Variants in KDM5B observed in about 807,000 individuals in gnomAD.
The protein encoded by KDM5B is lysine-specific demethylase 5B.
Under a neutral mutation model 193.4 loss-of-function variants are expected in KDM5B, and 144 were observed. The observed-to-expected ratio is 0.74, with a 90% CI of 0.65 to 0.86. The LOEUF (loss-of-function observed/expected upper bound fraction) is 0.86. KDM5B is among the 40% of genes least tolerant of loss of function. The pLI, the probability that KDM5B is intolerant of heterozygous loss-of-function variation, is 0.00. For missense variants in KDM5B, 1,833 were observed against 1,886.9 expected (o/e 0.97, Z 0.53); for synonymous variants, 668 against 682.6 (o/e 0.98, Z 0.33).
intron 4 of KDM5B, among the ~76,000 whole-genome samples, chr1:202,771,928 A>G (rs1022991462): frequency 2.0e-5 from 3 of 152,160 alleles, no homozygotes; most frequent in Admixed American, 6.5e-5. Flanking sequence ...CTAAACATTC[A>G]TATAATGTAT....
intron 5 of KDM5B, among the ~76,000 whole-genome samples, chr1:202,765,650 C>T (rs1164921753): frequency 1.3e-5 from 2 of 152,214 alleles, no homozygotes; most frequent in Non-Finnish European, 2.9e-5. Flanking sequence ...GGGCAGTCTC[C>T]TTCATTCAGA....
chr1:202,729,046 C>G lies in KDM5B; in HGVS notation c.4625G>C (p.Ser1542Thr), dbSNP rs61749323. The change falls in exon 27 of 27, where the codon AGC becomes ACC. Residue 1542 changes from serine to threonine, a missense_variant. By Grantham distance (58) the Ser-to-Thr change is moderately conservative. Around this residue, in one of 3 missense-constraint regions of KDM5B, gnomAD observed 1,379 missense variants for 1,349.6 expected, o/e 1.02. Coordinates refer to ENST00000367265, the MANE Select transcript of KDM5B (RefSeq NM_006618.5). The stretch of plus-strand genomic sequence containing the variant: ...TCTGTTTTTGTGTTTTTACTTTCGG[C>G]TTGGTGCGTCCTTCACAGTACAGCG... ...CVRCTVKDAP[S>T]RK is the part of the protein sequence containing the mutation. 2.3e-4 allele frequency: 368 copies of G among 1,613,942 alleles called. No individual in the cohort carries two copies. The highest frequency in any genetic ancestry group is 2.9e-4 in the Non-Finnish European group (342 of 1,179,984).
rs112284833 is a variant in KDM5B, at chr1:202,741,605, C to G, written c.2707G>C (p.Glu903Gln). ...LLDVSFEFDV[E>Q]LPQLAEMRIR... ...CGCATCTCAGCAAGCTGTGGAAGTTCAACATCAAATTCAAAGCTGACATCT... is the reference window on the plus strand; with the variant it reads ...CGCATCTCAGCAAGCTGTGGAAGTTGAACATCAAATTCAAAGCTGACATCT... Residue 903 changes from glutamate to glutamine, a missense_variant, in exon 19 of 27, where the codon GAA (glutamate) becomes CAA (glutamine). Physicochemically the swap from Glu to Gln is conservative, Grantham distance 29. Around this residue, in one of 3 missense-constraint regions of KDM5B, gnomAD observed 1,379 missense variants for 1,349.6 expected, o/e 1.02. Coordinates refer to ENST00000367265, the MANE Select transcript of KDM5B (RefSeq NM_006618.5). The G allele has an allele frequency of 0.029, 46,271 of 1,614,164 alleles. 865 individuals are homozygous for G. Among genetic ancestry groups the G allele is most frequent in the Non-Finnish European group, 0.033 (38,640 of 1,180,026 alleles).
At position 202,736,383 on chromosome 1, in the gene KDM5B, G is replaced by A. The variant is rs746793440; in HGVS notation, c.3094C>T (p.Arg1032Cys). 2.0e-5 allele frequency: 32 copies of A among 1,564,410 alleles called. No individual in the cohort carries two copies. Among genetic ancestry groups the A allele is most frequent in the South Asian group, 1.9e-4 (16 of 84,982 alleles). Residue 1032 changes from arginine to cysteine, a missense_variant, in exon 21 of 27, where the codon CGT becomes TGT. Arg to Cys is a radical substitution (Grantham distance 180). This residue lies in a region of KDM5B where 1,379 missense variants were observed against 1,349.6 expected (regional missense o/e 1.02). Coordinates refer to ENST00000367265, the MANE Select transcript of KDM5B (RefSeq NM_006618.5). The part of the protein sequence containing the change: ...QDVEGLQAGG[R>C]VPVLDTLIEL... Reference sequence around the variant, plus strand: ...ATGAGTGTGTCTAACACTGGCACACGTCCTCCAGCCTAATAAGTCAAGAAA... The same window carrying A: ...ATGAGTGTGTCTAACACTGGCACACATCCTCCAGCCTAATAAGTCAAGAAA...
Position 202,777,058 on chromosome 1 carries a change from GTT to G in KDM5B, c.239_240del (p.Lys80ThrfsTer12), listed in dbSNP as rs758612055. 6.2e-7 allele frequency: 1 copy of G among 1,613,574 alleles called. No homozygotes were observed. Among genetic ancestry groups the G allele is most frequent in the Admixed American group, 1.7e-5 (1 of 60,016 alleles). On this transcript the variant is annotated frameshift_variant, in exon 2 of 27. Transcript: ENST00000367265. LOFTEE classifies it high-confidence loss of function. ...WQPPFACDVD[K>X]LHFTPRIQRL... ...CTCTGGATACGTGGCGTAAAATGAA[GTT>G]TATCAACATCACATGCAAATGGTGG...
At chr1:202,803,584 G>A (rs1190100773) in intron 1 of KDM5B, among the ~76,000 whole-genome samples, 1 of 151,488 alleles carries the variant, frequency 6.6e-6, no homozygotes, top group Non-Finnish European at 1.5e-5. Context: ...AGCACTTTGG[G>A]AGGCCGAGGT....
At chr1:202,750,466 G>T (rs1655744968) in intron 13 of KDM5B, among the ~76,000 whole-genome samples, 193 bp downstream of exon 13, 1 of 151,958 alleles carries the variant, frequency 6.6e-6, no homozygotes. Context: ...GTAGAGATGG[G>T]GCTTCACCAT....
chr1:202,741,420 C>A lies in KDM5B; in HGVS notation c.2892G>T (p.Leu964=), dbSNP rs1182659376. 1 of 1,599,090 alleles carries A rather than the reference C, an allele frequency of 6.3e-7. No individual in the cohort carries two copies. The highest frequency in any genetic ancestry group is 2.2e-5 in the East Asian group (1 of 44,680). The part of the protein sequence containing the change: ...VEKAMARLQE[L]LTVSEHWDDK... Reference sequence around the variant, plus strand: ...CGTCCCAGTGCTCTGACACTGTGAGCAGTTCCTGCAGCCGGGCCATAGCTT... The same window carrying A: ...CGTCCCAGTGCTCTGACACTGTGAGAAGTTCCTGCAGCCGGGCCATAGCTT... The change falls in exon 19 of 27, where the codon CTG becomes CTT. Residue 964 remains leucine, a synonymous_variant. Transcript: ENST00000367265.
intron 23 of KDM5B, 121 bp from the exon 24 acceptor site, chr1:202,732,060 A>T: frequency 1.5e-6 from 1 of 647,214 alleles, no homozygotes; most frequent in South Asian, 1.8e-5. Flanking sequence ...AAAAAAAACA[A>T]CTTGATTTTC....
chr1:202,777,064 C>A lies in KDM5B; in HGVS notation c.235G>T (p.Asp79Tyr), dbSNP rs766122946. 1 of 1,613,618 alleles carries A rather than the reference C, an allele frequency of 6.2e-7. No individual in the cohort carries two copies. Among genetic ancestry groups the A allele is most frequent in the Admixed American group, 1.7e-5 (1 of 60,016 alleles). Residue 79 changes from aspartate (D) to tyrosine (Y), a missense_variant, in exon 2 of 27, where the codon GAT becomes TAT. Around this residue, in one of 3 missense-constraint regions of KDM5B, gnomAD observed 355 missense variants for 374.9 expected, o/e 0.95. Transcript: ENST00000367265. Reference sequence around the variant, plus strand: ...ATACGTGGCGTAAAATGAAGTTTATCAACATCACATGCAAATGGTGGCTGC... The same window carrying A: ...ATACGTGGCGTAAAATGAAGTTTATAAACATCACATGCAAATGGTGGCTGC... ...DWQPPFACDV[D>Y]KLHFTPRIQR...
intron 7 of KDM5B, 131 bp from the exon 8 acceptor site, chr1:202,760,704 T>A (rs1042404292): frequency 7.5e-6 from 4 of 530,822 alleles, no homozygotes; most frequent in Non-Finnish European, 1.3e-5. Flanking sequence ...TCAACCTCTA[T>A]AAGGGATATT....
chr1:202,740,739 C>T lies in KDM5B; in HGVS notation c.3019G>A (p.Gly1007Ser). The change falls in exon 20 of 27, where the codon GGT becomes AGT. Residue 1007 changes from glycine to serine, a missense_variant. This residue lies in a region of KDM5B where 1,379 missense variants were observed against 1,349.6 expected (regional missense o/e 1.02). Transcript: ENST00000367265. ...IEEIPAYLPNGAALKDSVQRA... is the reference protein window; with the variant it reads ...IEEIPAYLPNSAALKDSVQRA... The stretch of plus-strand genomic sequence containing the variant: ...TGCACTGAGTCTTTCAGAGCCGCAC[C>T]ATTGGGCAGATATGCAGGGATCTCT... The T allele has an allele frequency of 6.2e-7, 1 of 1,612,996 alleles. No homozygotes were observed. Among genetic ancestry groups the T allele is most frequent in the Non-Finnish European group, 8.5e-7 (1 of 1,179,978 alleles).
chr1:202,729,013 G>T lies in KDM5B; in HGVS notation c.*23C>A, dbSNP rs746449563. ...TTGGAGTCCTGAATTACATTAAGTA[G>T]GGGGGTATCTGTTTTTGTGTTTTTA... On this transcript the variant is annotated 3_prime_UTR_variant, in exon 27 of 27. Transcript: ENST00000367265. The T allele has an allele frequency of 2.5e-6, 4 of 1,613,578 alleles. No individual in the cohort carries two copies. The highest frequency in any genetic ancestry group is 1.7e-5 in the Admixed American group (1 of 60,018).
chr1:202,777,497 T>A lies in KDM5B; in HGVS notation c.205-403A>T, dbSNP rs115547044. On this transcript the variant is annotated intron_variant, in intron 1 of 26. Transcript: ENST00000367265. Reference sequence around the variant, plus strand: ...AACCTTCCAGTCACATTAACTTTTTTAATTTTTTTTTTTTGAGATAAGGTT... The same window carrying A: ...AACCTTCCAGTCACATTAACTTTTTAAATTTTTTTTTTTTGAGATAAGGTT... Among the ~76,000 whole-genome samples, 776 of 151,516 alleles carry A rather than the reference T, an allele frequency of 5.1e-3. 9 individuals are homozygous for A. The highest frequency in any genetic ancestry group is 0.018 in the African/African-American group (733 of 40,874).
chr1:202,791,782 G>A (rs1285661841), intron 1 of KDM5B, among the ~76,000 whole-genome samples: 1 of 152,196 alleles, frequency 6.6e-6, no homozygotes, highest in South Asian at 2.1e-4. Context: ...GCAGTGGCGC[G>A]ATCTCGGCTC....
At chr1:202,801,987 T>C (rs1232974733) in intron 1 of KDM5B, among the ~76,000 whole-genome samples, 2 of 151,966 alleles carry the variant, frequency 1.3e-5, no homozygotes, top group Non-Finnish European at 2.9e-5. Flanking sequence ...TCTTTTTTTT[T>C]TTTTGAGGCT....
intron 1 of KDM5B, among the ~76,000 whole-genome samples, chr1:202,803,241 T>C (rs1042190596): frequency 6.6e-6 from 1 of 152,238 alleles, no homozygotes; most frequent in African/African-American, 2.4e-5. Context: ...CATTTCGCTC[T>C]TTTAAAAGTT....
At chr1:202,736,550 A>G (rs1337567559) in intron 20 of KDM5B, among the ~76,000 whole-genome samples, 158 bp from the exon 21 acceptor site, 1 of 152,154 alleles carries the variant, frequency 6.6e-6, no homozygotes, top group Non-Finnish European at 1.5e-5. Context: ...CAGCTGACCA[A>G]TGATATTGGG....
intron 1 of KDM5B, among the ~76,000 whole-genome samples, chr1:202,792,802 T>C (rs1199204363): frequency 6.6e-6 from 1 of 152,190 alleles, no homozygotes; most frequent in African/African-American, 2.4e-5. Context: ...GAGACCAGCC[T>C]GGCCAACATG....
Sources: gnomAD v4.1 joint callset for allele counts (sites outside exome capture counted in the v4.1 genomes callset) on GRCh38, gnomAD v4.1.1 for gene constraint, gnomAD v4.1.1 regional missense constraint, MANE v1.5 for transcripts, NCBI Gene and HGNC (gene_info 2026-07-23, HGNC 2026-07-21) for gene names.